The following XYLT1 variants were observed in gnomAD, a reference collection of about 807,000 sequenced individuals.
XYLT1 encodes beta-D-xylosyltransferase 1.
A neutral mutation model predicts 91.3 loss-of-function variants in XYLT1; 36 were observed. That is an observed-to-expected ratio of 0.39 (90% CI 0.30 to 0.52). The LOEUF is 0.52. Among genes scored for constraint, XYLT1 ranks in the 20% least tolerant of loss-of-function variants. The probability of loss-of-function intolerance (pLI) is 0.68; values close to 1 mark genes in which losing one functional copy is unlikely to be tolerated. For synonymous variants in XYLT1, 588 were observed against 532.0 expected (o/e 1.11, Z -1.45); for missense variants, 1,242 against 1,284.5 (o/e 0.97, Z 0.51).
intron 2 of XYLT1, among the ~76,000 whole-genome samples, chr16:17,335,275 A>G (rs1435581849): frequency 6.6e-6 from 1 of 152,134 alleles, no homozygotes; most frequent in Non-Finnish European, 1.5e-5. Flanking sequence ...GCCACCTGGA[A>G]CAAGGGTTAA....
intron 1 of XYLT1, among the ~76,000 whole-genome samples, chr16:17,413,919 G>A (rs868511591): frequency 7.9e-5 from 12 of 151,826 alleles, no homozygotes; most frequent in East Asian, 1.9e-4. Flanking sequence ...ATTTTCCCCC[G>A]CCCTAAACCA....
intron 7 of XYLT1, among the ~76,000 whole-genome samples, chr16:17,139,843 T>C (rs898373989): frequency 6.6e-6 from 1 of 152,232 alleles, no homozygotes; most frequent in Non-Finnish European, 1.5e-5. Flanking sequence ...TAGTAAAACC[T>C]GGCCCAGTGA....
intron 1 of XYLT1, among the ~76,000 whole-genome samples, chr16:17,451,358 T>C (rs188689862): frequency 6.6e-6 from 1 of 152,248 alleles, no homozygotes; most frequent in African/African-American, 2.4e-5. Flanking sequence ...TGCCGGACTA[T>C]CTTCTCTTTG....
chr16:17,241,982 A>G (rs2033351766), intron 3 of XYLT1, among the ~76,000 whole-genome samples: 1 of 152,246 alleles, frequency 6.6e-6, no homozygotes, highest in South Asian at 2.1e-4. Flanking sequence ...CACGTCCTAC[A>G]TGGCCGCAGG....
chr16:17,162,597 G>C (rs1293444731), intron 5 of XYLT1, among the ~76,000 whole-genome samples: 1 of 152,104 alleles, frequency 6.6e-6, no homozygotes, highest in East Asian at 1.9e-4. Context: ...ATGAATGAAT[G>C]AATGTATTCC....
chr16:17,235,026 C>T (rs1487041206), intron 3 of XYLT1, among the ~76,000 whole-genome samples: 1 of 151,614 alleles, frequency 6.6e-6, no homozygotes, highest in Non-Finnish European at 1.5e-5. Flanking sequence ...TTATTTTAAT[C>T]ATCTCTCATT....
intron 2 of XYLT1, chr16:17,355,165 T>A (rs2035277285): frequency 6.5e-6 from 1 of 153,310 alleles, no homozygotes; most frequent in African/African-American, 2.4e-5. Flanking sequence ...ACTTTAAGAG[T>A]CGCCACTGTG....
intron 3 of XYLT1, among the ~76,000 whole-genome samples, chr16:17,213,697 C>A (rs986873872): frequency 1.3e-5 from 2 of 152,056 alleles, no homozygotes; most frequent in African/African-American, 2.4e-5. Context: ...CTGCTCACTG[C>A]AACCTCCGCC....
chr16:17,232,164 T>TATTATAC (rs2033167211), intron 3 of XYLT1, among the ~76,000 whole-genome samples: 1 of 136,396 alleles, frequency 7.3e-6, no homozygotes, highest in Non-Finnish European at 1.6e-5. Context: ...CGATTATATA[T>TATTATAC]AATATATTAT....
intron 1 of XYLT1, among the ~76,000 whole-genome samples, chr16:17,362,602 G>C (rs1232070164): frequency 6.6e-6 from 1 of 152,182 alleles, no homozygotes; most frequent in Non-Finnish European, 1.5e-5. Context: ...AAGGCCAAAG[G>C]CTTAATTTTA....
chr16:17,143,703 A>G (rs1035413041), intron 6 of XYLT1, among the ~76,000 whole-genome samples: 4 of 152,056 alleles, frequency 2.6e-5, no homozygotes, highest in African/African-American at 9.7e-5. Context: ...CAGTCTTACA[A>G]CACTGTAATT....
chr16:17,198,373 C>A lies in XYLT1; in HGVS notation c.1128G>T (p.Arg376Ser). ...YLHRQVLQVS[R>S]QYSNVRVTPW... ...GGGTGACGCGGACATTGCTGTACTG[C>A]CTGGAGACCTGGAGCACTTGCCGAT... Residue 376 changes from arginine to serine, a missense_variant, in exon 5 of 12, where the codon AGG (arginine) becomes AGT (serine). Coordinates refer to ENST00000261381, the MANE Select transcript of XYLT1 (RefSeq NM_022166.4). 1 of 1,614,178 alleles carries A rather than the reference C, an allele frequency of 6.2e-7. No individual in the cohort carries two copies. The highest frequency in any genetic ancestry group is 8.5e-7 in the Non-Finnish European group (1 of 1,180,026).
chr16:17,203,556 T>A (rs1288775686), intron 3 of XYLT1, among the ~76,000 whole-genome samples: 1 of 149,850 alleles, frequency 6.7e-6, no homozygotes, highest in Non-Finnish European at 1.5e-5. Context: ...ATCCAACCAC[T>A]TATCTGTCCA....
intron 1 of XYLT1, among the ~76,000 whole-genome samples, chr16:17,433,964 C>A (rs2036421779): frequency 6.6e-6 from 1 of 151,160 alleles, no homozygotes; most frequent in African/African-American, 2.4e-5. Flanking sequence ...TAGCTCTGAT[C>A]CTTTCGAGAA....
At chr16:17,387,573 A>G (rs888341401) in intron 1 of XYLT1, among the ~76,000 whole-genome samples, 7 of 152,292 alleles carry the variant, frequency 4.6e-5, no homozygotes, top group African/African-American at 1.4e-4. Flanking sequence ...TCTCCTGCCC[A>G]AAGACCTGCA....
At chr16:17,433,186 C>T (rs1234471563) in intron 1 of XYLT1, among the ~76,000 whole-genome samples, 1 of 152,122 alleles carries the variant, frequency 6.6e-6, no homozygotes, top group Non-Finnish European at 1.5e-5. Flanking sequence ...TGCAGCCACG[C>T]CCAAAACTCC....
intron 3 of XYLT1, among the ~76,000 whole-genome samples, chr16:17,224,899 G>A (rs2033035528): frequency 6.6e-6 from 1 of 152,124 alleles, no homozygotes; most frequent in South Asian, 2.1e-4. Context: ...GTTCTCTGTT[G>A]CAACTTCTCA....
At chr16:17,285,577 G>C (rs1364031364) in intron 2 of XYLT1, among the ~76,000 whole-genome samples, 1 of 152,222 alleles carries the variant, frequency 6.6e-6, no homozygotes, top group Non-Finnish European at 1.5e-5. Flanking sequence ...AGGCCTGGCT[G>C]CAAATTTCAC....
chr16:17,455,737 C>T (rs1272047373), intron 1 of XYLT1, among the ~76,000 whole-genome samples: 1 of 152,110 alleles, frequency 6.6e-6, no homozygotes, highest in South Asian at 2.1e-4. Flanking sequence ...CTATTTTCTG[C>T]GGCGTCTGCG....
Sources: allele counts gnomAD v4.1 joint callset (sites outside exome capture counted in the v4.1 genomes callset), GRCh38; gene constraint gnomAD v4.1.1; transcripts MANE v1.5; gene names NCBI Gene and HGNC (gene_info 2026-07-23, HGNC 2026-07-21).